TCAIM: variants seen among roughly 807,000 people sequenced by gnomAD.
TCAIM encodes T-cell activation inhibitor, mitochondrial.
TCAIM carries 36 observed loss-of-function variants against 58.6 expected under a neutral mutation model. That is an observed-to-expected ratio of 0.61 (90% CI 0.47 to 0.81). The LOEUF is 0.81. TCAIM is among the 30% of genes least tolerant of loss of function. The pLI, the probability that TCAIM is intolerant of heterozygous loss-of-function variation, is 0.00. For missense variants in TCAIM, 466 were observed against 579.6 expected (o/e 0.80, Z 2.01); for synonymous variants, 172 against 193.6 (o/e 0.89, Z 0.93).
intron 4 of TCAIM, among the ~76,000 whole-genome samples, chr3:44,366,074 T>C (rs1701369292): frequency 6.6e-6 from 1 of 152,238 alleles, no homozygotes; most frequent in African/African-American, 2.4e-5. Context: ...ATTTAAGCCC[T>C]GGCTTCATTC....
intron 5 of TCAIM, among the ~76,000 whole-genome samples, chr3:44,386,614 A>C (rs139590382): frequency 6.6e-6 from 1 of 151,966 alleles, no homozygotes; most frequent in Non-Finnish European, 1.5e-5. Context: ...GCCTCTCTCC[A>C]CTCCCAGTGC....
At chr3:44,378,553 C>A (rs1235721629) in intron 5 of TCAIM, among the ~76,000 whole-genome samples, 1 of 152,004 alleles carries the variant, frequency 6.6e-6, no homozygotes, top group Non-Finnish European at 1.5e-5. Flanking sequence ...TGCGGTGGCT[C>A]ACGCCTGTAA....
chr3:44,368,228 A>G (rs1050473525), intron 5 of TCAIM, among the ~76,000 whole-genome samples: 1 of 152,234 alleles, frequency 6.6e-6, no homozygotes, highest in African/African-American at 2.4e-5. Context: ...AAAATCATAT[A>G]TAAAATGTTT....
intron 5 of TCAIM, among the ~76,000 whole-genome samples, chr3:44,383,342 T>G (rs1331903706): frequency 6.6e-6 from 1 of 152,218 alleles, no homozygotes; most frequent in Non-Finnish European, 1.5e-5. Context: ...AAATTTGATA[T>G]ACTCCTACAG....
intron 6 of TCAIM, among the ~76,000 whole-genome samples, chr3:44,393,260 C>T (rs151041743): frequency 1.0e-3 from 152 of 152,030 alleles, no homozygotes; most frequent in African/African-American, 3.6e-3. Flanking sequence ...GAGTTCAAGA[C>T]TAGCCTGGGC....
chr3:44,349,850 T>C (rs571490407), intron 1 of TCAIM, among the ~76,000 whole-genome samples: 20 of 151,708 alleles, frequency 1.3e-4, no homozygotes, highest in African/African-American at 4.4e-4. Flanking sequence ...GTGAGAGAGG[T>C]TGGAGAAGAG....
Position 44,400,674 on chromosome 3 carries a change from A to G in TCAIM, c.1118+87A>G, listed in dbSNP as rs139987715. Reference sequence around the variant, plus strand: ...ATGCATTAAATTGTTTTGTATTTCAATGGGTAGTTCTTAGGAATTAAAGAA... The same window carrying G: ...ATGCATTAAATTGTTTTGTATTTCAGTGGGTAGTTCTTAGGAATTAAAGAA... On this transcript the variant is annotated intron_variant, in intron 9 of 10. Coordinates refer to ENST00000342649, the MANE Select transcript of TCAIM (RefSeq NM_173826.4). 4.7e-5 allele frequency: 54 copies of G among 1,146,472 alleles called. No individual in the cohort carries two copies. In the African/African-American group the frequency reaches 7.3e-4, roughly 15 times the overall value. 71.0% of individuals were successfully genotyped at this position (1,146,472 alleles called of 1,614,324 possible).
intron 1 of TCAIM, 109 bp from the exon 2 acceptor site, chr3:44,354,630 T>C: frequency 1.4e-6 from 1 of 690,242 alleles, no homozygotes; most frequent in Non-Finnish European, 2.3e-6. Flanking sequence ...ACATATTTTA[T>C]AAGATTAATA....
intron 9 of TCAIM, 171 bp downstream of exon 9, chr3:44,400,758 G>A: frequency 6.4e-6 from 4 of 627,936 alleles, no homozygotes; most frequent in Non-Finnish European, 1.1e-5. Flanking sequence ...GCCAGCATGG[G>A]AGGATTGAAG....
At chr3:44,362,570 G>A in intron 4 of TCAIM, 1 of 396,526 alleles carries the variant, frequency 2.5e-6, no homozygotes, top group Non-Finnish European at 4.5e-6. Flanking sequence ...GAGATCAGGA[G>A]TCACAAATTC....
chr3:44,343,390 A>G (rs1700895619), intron 1 of TCAIM, among the ~76,000 whole-genome samples: 1 of 152,196 alleles, frequency 6.6e-6, no homozygotes, highest in African/African-American at 2.4e-5. Flanking sequence ...ATAAAAATAG[A>G]ATGTAAGCCT....
chr3:44,393,110 A>G, intron 6 of TCAIM, 133 bp downstream of exon 6: 1 of 738,108 alleles, frequency 1.4e-6, no homozygotes, highest in Non-Finnish European at 2.3e-6. Flanking sequence ...ATCTTTATGA[A>G]CATCATGAAA....
chr3:44,369,509 T>G (rs750208205), intron 5 of TCAIM, among the ~76,000 whole-genome samples: 1 of 152,210 alleles, frequency 6.6e-6, no homozygotes, highest in Non-Finnish European at 1.5e-5. Context: ...GCAGCCATCA[T>G]GAAAAGAGTG....
intron 1 of TCAIM, among the ~76,000 whole-genome samples, chr3:44,352,419 G>A (rs73829633): frequency 0.013 from 2,001 of 152,284 alleles, 52 homozygotes; most frequent in African/African-American, 0.045. Flanking sequence ...AAAAGTTCAT[G>A]TGATTCAAAT....
At chr3:44,393,458 C>G (rs972356436) in intron 6 of TCAIM, among the ~76,000 whole-genome samples, 5 of 152,076 alleles carry the variant, frequency 3.3e-5, no homozygotes, top group African/African-American at 1.2e-4. Flanking sequence ...AAGACTTCAT[C>G]TCAATTTATA....
intron 2 of TCAIM, among the ~76,000 whole-genome samples, chr3:44,355,736 A>C (rs1210540077): frequency 6.6e-6 from 1 of 152,234 alleles, no homozygotes; most frequent in African/African-American, 2.4e-5. Context: ...TACCACAATA[A>C]CAAAAATAAG....
intron 4 of TCAIM, among the ~76,000 whole-genome samples, chr3:44,367,130 T>C (rs999293837): frequency 4.6e-5 from 7 of 152,318 alleles, no homozygotes; most frequent in African/African-American, 1.7e-4. Context: ...ACCAGATTTA[T>C]CGACAGAATT....
upstream of TCAIM, chr3:44,338,137 TC>T (rs1007606694): frequency 6.6e-6 from 1 of 152,444 alleles, no homozygotes; most frequent in African/African-American, 2.4e-5. Context: ...GCAGTCCCTT[TC>T]CCCTTCTTCC....
chr3:44,362,636 C>G (rs1019704868), intron 4 of TCAIM: 2 of 381,218 alleles, frequency 5.2e-6, no homozygotes, highest in African/African-American at 4.1e-5. Flanking sequence ...TAAAAATAGC[C>G]CTATTCTTCA....
Sources: gnomAD v4.1 joint callset for allele counts (sites outside exome capture counted in the v4.1 genomes callset) on GRCh38, gnomAD v4.1.1 for gene constraint, MANE v1.5 for transcripts, NCBI Gene and HGNC (gene_info 2026-07-23, HGNC 2026-07-21) for gene names.